Variants in SAP130 observed in about 807,000 individuals in gnomAD.
The protein encoded by SAP130 is histone deacetylase complex subunit SAP130.
A neutral mutation model predicts 103.2 loss-of-function variants in SAP130; 16 were observed. The ratio of observed to expected loss-of-function variants is 0.16; its 90% CI spans 0.10 to 0.24. SAP130 has a LOEUF of 0.24. Ranked by LOEUF, SAP130 falls within the 10% of genes least tolerant of loss-of-function variation. The probability of loss-of-function intolerance (pLI) is 1.00; values close to 1 mark genes in which losing one functional copy is unlikely to be tolerated. For synonymous variants in SAP130, 477 were observed against 497.0 expected (o/e 0.96, Z 0.53); for missense variants, 990 against 1,359.7 (o/e 0.73, Z 4.28).
intron 15 of SAP130, among the ~76,000 whole-genome samples, chr2:127,957,548 C>T (rs1679929419): frequency 6.6e-6 from 1 of 151,916 alleles, no homozygotes; most frequent in Non-Finnish European, 1.5e-5. Flanking sequence ...GTGGTGTATG[C>T]CTGTGGTCCT....
intron 12 of SAP130, among the ~76,000 whole-genome samples, chr2:127,992,464 G>C (rs1003691537): frequency 6.6e-6 from 1 of 151,784 alleles, no homozygotes; most frequent in Non-Finnish European, 1.5e-5. Flanking sequence ...ATTTTTAGTA[G>C]AGACAGGGTT....
intron 15 of SAP130, among the ~76,000 whole-genome samples, chr2:127,958,120 A>G (rs937797274): frequency 2.0e-5 from 3 of 152,350 alleles, no homozygotes; most frequent in Middle Eastern, 3.4e-3. Context: ...CCAGAACTTA[A>G]AGTATAAAAA....
At chr2:127,962,364 C>A (rs1470683446) in intron 15 of SAP130, among the ~76,000 whole-genome samples, 2 of 152,166 alleles carry the variant, frequency 1.3e-5, no homozygotes, top group African/African-American at 4.8e-5. Flanking sequence ...TTGACCCAGC[C>A]ATCCCATTAC....
intron 11 of SAP130, among the ~76,000 whole-genome samples, chr2:127,993,804 G>A (rs919040000): frequency 1.3e-5 from 2 of 152,164 alleles, no homozygotes; most frequent in South Asian, 4.1e-4. Flanking sequence ...GAGCGTAGTG[G>A]TTATTCACCA....
intron 15 of SAP130, among the ~76,000 whole-genome samples, chr2:127,970,314 G>A (rs1052470138): frequency 2.0e-5 from 3 of 150,468 alleles, no homozygotes; most frequent in Non-Finnish European, 4.4e-5. Flanking sequence ...AGGCCGAGGC[G>A]GAGGGATCAT....
intron 7 of SAP130, among the ~76,000 whole-genome samples, chr2:128,006,553 T>C (rs184635071): frequency 4.6e-5 from 7 of 152,286 alleles, no homozygotes; most frequent in Admixed American, 1.3e-4. Flanking sequence ...GGCAGATGGA[T>C]CGCTTGAGCC....
intron 7 of SAP130, among the ~76,000 whole-genome samples, chr2:128,008,906 A>C (rs1684181981): frequency 1.3e-5 from 2 of 151,892 alleles, no homozygotes; most frequent in Admixed American, 6.6e-5. Flanking sequence ...GCTGGTCTCA[A>C]ACTCCTGGAC....
intron 14 of SAP130, among the ~76,000 whole-genome samples, chr2:127,982,997 C>T (rs1293395696): frequency 6.6e-6 from 1 of 152,076 alleles, no homozygotes; most frequent in Non-Finnish European, 1.5e-5. Context: ...GCTAAGTGCC[C>T]AAACTGGTGG....
chr2:127,947,800 G>GTGTGTGTGTGTGTT (rs1178153149), intron 18 of SAP130, among the ~76,000 whole-genome samples: 3 of 151,534 alleles, frequency 2.0e-5, no homozygotes, highest in Non-Finnish European at 4.4e-5. Flanking sequence ...GTGTGTGTGT[G>GTGTGTGTGTGTGTT]TTTTGAGACG....
At chr2:128,019,268 TA>T (rs112108878) in intron 2 of SAP130, among the ~76,000 whole-genome samples, 12,642 of 151,832 alleles carry the variant, frequency 0.083, 727 homozygotes, top group South Asian at 0.22. Context: ...TTTTTTTAAT[TA>T]AAAAAAATTT....
At chr2:127,982,553 T>C (rs1257802965) in intron 14 of SAP130, among the ~76,000 whole-genome samples, 1 of 152,086 alleles carries the variant, frequency 6.6e-6, no homozygotes, top group Non-Finnish European at 1.5e-5. Context: ...CCTGGGAGTT[T>C]TGAGAGAAGG....
chr2:128,000,378 T>G lies in SAP130; in HGVS notation c.946A>C (p.Thr316Pro). 1.2e-6 allele frequency: 2 copies of G among 1,614,170 alleles called. No individual in the cohort carries two copies. Among genetic ancestry groups the G allele is most frequent in the East Asian group, 2.2e-5 (1 of 44,884 alleles). ...TGAGATGGTAGTGTGATTCTTGTTGTGACATCTCGTGACTGGGCAGGACGC... is the reference window on the plus strand; with the variant it reads ...TGAGATGGTAGTGTGATTCTTGTTGGGACATCTCGTGACTGGGCAGGACGC... ...IQRPAQSRDVTTRITLPSHPA... is the reference protein window; with the variant it reads ...IQRPAQSRDVPTRITLPSHPA... Residue 316 changes from threonine (T) to proline (P), a missense_variant, in exon 8 of 21, where the codon ACA (threonine) becomes CCA (proline). This residue lies in a region of SAP130 where 336 missense variants were observed against 520.1 expected (regional missense o/e 0.65). Coordinates refer to ENST00000643581, the MANE Select transcript of SAP130 (RefSeq NM_001330301.2).
chr2:127,989,535 C>G lies in SAP130; in HGVS notation c.1780+29G>C, dbSNP rs759160578. ...CCCAAATGTATTTCTTTTCTCCAAA[C>G]CACCTTCTATGCAAAAATTTAAAAT... On this transcript the variant is annotated intron_variant, in intron 13 of 20. Transcript: ENST00000643581. This position sits in a 1 kb window ranked among gnomAD's most constrained non-coding sequence, Gnocchi z 4.6. The G allele has an allele frequency of 6.3e-7, 1 of 1,576,568 alleles. No individual in the cohort carries two copies. Among genetic ancestry groups the G allele is most frequent in the Non-Finnish European group, 8.6e-7 (1 of 1,159,030 alleles).
At position 127,949,998 on chromosome 2, in the gene SAP130, T is replaced by C. The variant is rs1183726540; in HGVS notation, c.2672-4A>G. The stretch of plus-strand genomic sequence containing the variant: ...ACATATCTCACACCTTCCTCATCTG[T>C]TAAAGAGAAGACATTAAACAACTTA... On this transcript the variant is annotated splice_polypyrimidine_tract_variant and splice_region_variant and intron_variant, in intron 17 of 20. Transcript: ENST00000643581. The C allele has an allele frequency of 6.2e-7, 1 of 1,613,780 alleles. No individual in the cohort carries two copies. Among genetic ancestry groups the C allele is most frequent in the East Asian group, 2.2e-5 (1 of 44,882 alleles).
At chr2:127,976,856 G>C (rs1294408396) in intron 15 of SAP130, among the ~76,000 whole-genome samples, 2 of 152,140 alleles carry the variant, frequency 1.3e-5, no homozygotes, top group Non-Finnish European at 2.9e-5. Flanking sequence ...GTTGCAGTGA[G>C]GGCCACTGCA....
In SAP130 at chr2:127,941,752, A is replaced by G; in HGVS notation, c.*254T>C. ...CATTGCTTCCAACTGGTGGACACTG[A>G]TGCATCCGGAGTCACTTATGACACA... On this transcript the variant is annotated 3_prime_UTR_variant, in exon 21 of 21. Coordinates refer to ENST00000643581, the MANE Select transcript of SAP130 (RefSeq NM_001330301.2). 1 of 469,588 alleles carries G rather than the reference A, an allele frequency of 2.1e-6. No individual in the cohort carries two copies. Among genetic ancestry groups the G allele is most frequent in the Non-Finnish European group, 3.7e-6 (1 of 268,606 alleles). 29.1% of individuals were successfully genotyped at this position (469,588 alleles called of 1,614,324 possible). A position where few individuals can be genotyped will look rare whatever the true frequency, so the allele number is the denominator to read the frequency against.
At chr2:127,981,196 T>C (rs1364152103) in intron 14 of SAP130, among the ~76,000 whole-genome samples, 3 of 151,436 alleles carry the variant, frequency 2.0e-5, no homozygotes, top group African/African-American at 7.3e-5. Context: ...AGTTACAGGA[T>C]GCGGTTAACA....
chr2:128,001,630 A>T (rs1207471106), intron 7 of SAP130, among the ~76,000 whole-genome samples: 1 of 152,204 alleles, frequency 6.6e-6, no homozygotes. Context: ...TAGTGTTACA[A>T]CTGCCTACAG....
At chr2:128,009,301 C>A (rs1684213699) in intron 7 of SAP130, among the ~76,000 whole-genome samples, 1 of 152,084 alleles carries the variant, frequency 6.6e-6, no homozygotes, top group South Asian at 2.1e-4. Context: ...GAGAACCTGT[C>A]TCTACAAGAA....
Sources: allele counts gnomAD v4.1 joint callset (sites outside exome capture counted in the v4.1 genomes callset), GRCh38; gene constraint gnomAD v4.1.1; regional missense constraint gnomAD v4.1.1; non-coding constraint Gnocchi (gnomAD v3.1); transcripts MANE v1.5; gene names NCBI Gene and HGNC (gene_info 2026-07-23, HGNC 2026-07-21).